Variants in SORCS1 observed in about 807,000 individuals in gnomAD.
SORCS1 encodes the protein sortilin related VPS10 domain containing receptor 1, also known as VPS10 domain-containing receptor SorCS1.
In SORCS1, 60 loss-of-function variants were observed where a neutral mutation model predicts 146.1. The ratio of observed to expected loss-of-function variants is 0.41; its 90% CI spans 0.33 to 0.51. The LOEUF is 0.51. Ranked by LOEUF, SORCS1 falls within the 20% of genes least tolerant of loss-of-function variation. The pLI is 0.21. For synonymous variants in SORCS1, 637 were observed against 584.0 expected, an observed-to-expected ratio of 1.09 and a Z score of -1.31; for missense variants, 1,352 against 1,487.6, an observed-to-expected ratio of 0.91 and a Z score of 1.50.
rs1349185654 is a variant in SORCS1 at position 106,577,521 on chromosome 10, T to C, written c.3406A>G (p.Thr1136Ala). The change falls in exon 26 of 26, where the codon ACT becomes GCT. Residue 1136 changes from threonine (T) to alanine (A), a missense_variant. Transcript: ENST00000263054. ...VALPSPPSPS[T>A]QPGDSSLRLQ... ...CGGAGAGATGAGTCACCAGGTTGAG[T>C]AGAAGGGGAGGGAGGGGAGGGTAAA... 1.2e-6 allele frequency: 2 copies of C among 1,605,738 alleles called. No homozygotes were observed. The highest frequency in any genetic ancestry group is 1.1e-5 in the South Asian group (1 of 90,910).
intron 2 of SORCS1, among the ~76,000 whole-genome samples, chr10:106,877,719 G>T (rs1359643960): frequency 6.6e-6 from 1 of 152,150 alleles, no homozygotes; most frequent in African/African-American, 2.4e-5. Flanking sequence ...CACACTCAGT[G>T]TACAGCTTCA....
At chr10:107,051,258 G>C (rs902054414) in intron 1 of SORCS1, among the ~76,000 whole-genome samples, 1 of 152,136 alleles carries the variant, frequency 6.6e-6, no homozygotes, top group Non-Finnish European at 1.5e-5. Context: ...GGGATAGAGA[G>C]TGCCTAAAGT....
intron 5 of SORCS1, among the ~76,000 whole-genome samples, chr10:106,741,569 G>A (rs1429429999): frequency 6.6e-6 from 1 of 152,056 alleles, no homozygotes; most frequent in East Asian, 1.9e-4. Flanking sequence ...CTGCAATCCG[G>A]CCTGGGTGAC....
intron 1 of SORCS1, among the ~76,000 whole-genome samples, chr10:107,074,199 C>T (rs1187891561): frequency 6.6e-6 from 1 of 152,188 alleles, no homozygotes; most frequent in Non-Finnish European, 1.5e-5. Context: ...CTATTCATCT[C>T]CTGCACTCCC....
At chr10:106,994,777 GAGA>G (rs1389178469) in intron 1 of SORCS1, among the ~76,000 whole-genome samples, 1 of 152,196 alleles carries the variant, frequency 6.6e-6, no homozygotes, top group South Asian at 2.1e-4. Context: ...TATTTTTGAA[GAGA>G]AGGAGAAGAT....
intron 2 of SORCS1, among the ~76,000 whole-genome samples, chr10:106,912,714 T>G (rs2138262922): frequency 6.6e-6 from 1 of 152,346 alleles, no homozygotes; most frequent in South Asian, 2.1e-4. Context: ...AGTCTCATTC[T>G]GTCGCCCAGG....
intron 6 of SORCS1, among the ~76,000 whole-genome samples, chr10:106,728,103 C>T (rs1198837321): frequency 6.6e-6 from 1 of 151,884 alleles, no homozygotes; most frequent in Non-Finnish European, 1.5e-5. Context: ...GCGATCTCAG[C>T]TCACTGCAAC....
intron 3 of SORCS1, among the ~76,000 whole-genome samples, chr10:106,820,821 G>A (rs559976562): frequency 1.3e-5 from 2 of 152,328 alleles, no homozygotes; most frequent in African/African-American, 2.4e-5. Context: ...ACCACAGGGA[G>A]TGTGCTGGAA....
intron 17 of SORCS1, among the ~76,000 whole-genome samples, chr10:106,663,547 T>C (rs578163188): frequency 8.1e-4 from 123 of 152,366 alleles, no homozygotes; most frequent in African/African-American, 2.6e-3. Flanking sequence ...TATTAGTGGC[T>C]ACAAGATTAT....
chr10:107,056,525 T>G (rs528469052), intron 1 of SORCS1, among the ~76,000 whole-genome samples: 1 of 152,296 alleles, frequency 6.6e-6, no homozygotes, highest in African/African-American at 2.4e-5. Context: ...GCACAGAAAC[T>G]TGGCTTTGCA....
chr10:106,653,646 C>G (rs546357760), intron 17 of SORCS1, among the ~76,000 whole-genome samples: 1 of 152,166 alleles, frequency 6.6e-6, no homozygotes, highest in African/African-American at 2.4e-5. Context: ...GCGTTTAAGT[C>G]TAGTGAATGT....
chr10:106,863,374 A>G (rs1950095614), intron 2 of SORCS1, among the ~76,000 whole-genome samples: 1 of 151,998 alleles, frequency 6.6e-6, no homozygotes, highest in South Asian at 2.1e-4. Flanking sequence ...AAAGTACAAA[A>G]ATTATCTGGG....
At chr10:106,709,952 G>T (rs1854851455) in intron 6 of SORCS1, among the ~76,000 whole-genome samples, 2 of 151,992 alleles carry the variant, frequency 1.3e-5, no homozygotes, top group African/African-American at 4.8e-5. Context: ...AAACCCAAAT[G>T]AAAATATTTT....
chr10:107,096,802 G>A (rs1023883823), intron 1 of SORCS1, among the ~76,000 whole-genome samples: 9 of 152,014 alleles, frequency 5.9e-5, no homozygotes, highest in African/African-American at 9.7e-5. Context: ...GTGAGCCACC[G>A]CACCCGGCCC....
chr10:106,724,325 G>T (rs1486953815), intron 6 of SORCS1, among the ~76,000 whole-genome samples: 3 of 151,986 alleles, frequency 2.0e-5, no homozygotes, highest in South Asian at 4.1e-4. Context: ...TGACCAACAT[G>T]GTGAAACCCC....
At chr10:106,634,301 T>C (rs1848606753) in intron 18 of SORCS1, among the ~76,000 whole-genome samples, 1 of 152,240 alleles carries the variant, frequency 6.6e-6, no homozygotes, top group Admixed American at 6.5e-5. Flanking sequence ...CGAATGATCC[T>C]TTTTAGTTCC....
chr10:106,650,853 T>C (rs11192999), intron 18 of SORCS1, among the ~76,000 whole-genome samples: 10,804 of 152,220 alleles, frequency 0.071, 460 homozygotes, highest in East Asian at 0.21. Context: ...CTCCTAGTCC[T>C]CCTTTTCCTC....
rs1848288223 is a variant in SORCS1 at position 106,629,256 on chromosome 10, G to T, written c.2608C>A (p.Gln870Lys). 6.2e-7 allele frequency: 1 copy of T among 1,613,946 alleles called. No individual in the cohort carries two copies. The highest frequency in any genetic ancestry group is 1.3e-5 in the African/African-American group (1 of 74,934). ...TCAGAACCCAGACTGTTGTCCACCT[G>T]CACGGTCACACGGAAAATGCCCACG... Reference protein sequence around the residue: ...QNVGIFRVTVQVDNSLGSDSA... With the variant: ...QNVGIFRVTVKVDNSLGSDSA... Residue 870 changes from glutamine to lysine, a missense_variant, in exon 19 of 26, where the codon CAG (glutamine) becomes AAG (lysine). By Grantham distance (53) the Gln-to-Lys change is moderately conservative. Coordinates refer to ENST00000263054, the MANE Select transcript of SORCS1 (RefSeq NM_052918.5).
At chr10:107,116,236 T>C (rs1358677075) in intron 1 of SORCS1, among the ~76,000 whole-genome samples, 1 of 152,090 alleles carries the variant, frequency 6.6e-6, no homozygotes, top group Non-Finnish European at 1.5e-5. Context: ...AGAACAACAT[T>C]ATATGATCCA....
Sources: gnomAD v4.1 joint callset for allele counts (sites outside exome capture counted in the v4.1 genomes callset) on GRCh38, gnomAD v4.1.1 for gene constraint, MANE v1.5 for transcripts, NCBI Gene and HGNC (gene_info 2026-07-23, HGNC 2026-07-21) for gene names.